The following ASTN1 variants were observed in gnomAD, a reference collection of about 807,000 sequenced individuals.
The protein encoded by ASTN1 is astrotactin 1.
ASTN1 carries 41 observed loss-of-function variants against 140.7 expected under a neutral mutation model. The observed-to-expected ratio is 0.29, with a 90% CI of 0.23 to 0.38. ASTN1 has a LOEUF of 0.38. ASTN1 is among the 10% of genes least tolerant of loss of function. ASTN1 has a pLI of 1.00. For missense variants in ASTN1, 1,479 were observed against 1,678.8 expected (o/e 0.88, Z 2.08); for synonymous variants, 640 against 652.2 (o/e 0.98, Z 0.29).
rs146492720 is a variant in ASTN1, at chr1:176,882,873, A to G, written c.3348T>C (p.Pro1116=). ...GTGTTACTCACATGTAAATGGTGTC[A>G]GGTTCCAGGCATCGTATGATCAGAG... The part of the protein sequence containing the change: ...TISLIIRCLE[P]DTIYMFTLWG... Residue 1116 remains proline, a synonymous_variant, in exon 20 of 23, where the codon CCT becomes CCC. Coordinates refer to ENST00000361833, the MANE Select transcript of ASTN1 (RefSeq NM_004319.3). 547 of 1,614,170 alleles carry G rather than the reference A, an allele frequency of 3.4e-4. 2 individuals carry two copies. In the East Asian group the frequency reaches 0.01, roughly 30 times the overall value.
intron 8 of ASTN1, among the ~76,000 whole-genome samples, chr1:176,995,706 G>A (rs985016567): frequency 6.6e-6 from 1 of 152,154 alleles, no homozygotes; most frequent in African/African-American, 2.4e-5. Context: ...AGGGCCATAT[G>A]GGTCATTGGT....
At chr1:177,084,012 C>G (rs537095500) in intron 1 of ASTN1, among the ~76,000 whole-genome samples, 1 of 152,268 alleles carries the variant, frequency 6.6e-6, no homozygotes, top group Admixed American at 6.5e-5. Flanking sequence ...AAGCCTGTTC[C>G]TTCTGGCATT....
rs555768751 is a variant in ASTN1, at chr1:177,095,326, T to C, written c.284-34061A>G. On this transcript the variant is annotated intron_variant, in intron 1 of 22. Coordinates refer to ENST00000361833, the MANE Select transcript of ASTN1 (RefSeq NM_004319.3). ...AGCAACCTTTTCATAAGGAGATTAG[T>C]ATGGATCTGCCATCTCAATAAAAGT... Among the ~76,000 whole-genome samples the C allele has an allele frequency of 3.9e-5, 6 of 152,298 alleles. No homozygotes were observed. In the South Asian group the frequency reaches 1.2e-3, roughly 32 times the overall value.
At chr1:177,052,050 C>T (rs547594805) in intron 2 of ASTN1, among the ~76,000 whole-genome samples, 1 of 152,066 alleles carries the variant, frequency 6.6e-6, no homozygotes, top group East Asian at 1.9e-4. Context: ...TCATAAGACG[C>T]CTGGTGGGAA....
chr1:177,161,000 T>C (rs1400429192), intron 1 of ASTN1, among the ~76,000 whole-genome samples: 1 of 152,300 alleles, frequency 6.6e-6, no homozygotes, highest in Non-Finnish European at 1.5e-5. Flanking sequence ...TTAAAAACCA[T>C]ATGTAGTCAA....
At chr1:176,905,738 A>G (rs1669960367) in intron 16 of ASTN1, among the ~76,000 whole-genome samples, 1 of 151,828 alleles carries the variant, frequency 6.6e-6, no homozygotes, top group Admixed American at 6.6e-5. Flanking sequence ...TGCTGAGTGG[A>G]TCAGGCTCTT....
intron 7 of ASTN1, 96 bp from the exon 8 acceptor site, chr1:177,014,971 C>G: frequency 3.6e-6 from 4 of 1,103,826 alleles, no homozygotes; most frequent in Non-Finnish European, 5.4e-6. Flanking sequence ...TCAGGGTAAA[C>G]TCTTACTCTG....
At chr1:177,108,166 G>A (rs939312490) in intron 1 of ASTN1, among the ~76,000 whole-genome samples, 3 of 151,838 alleles carry the variant, frequency 2.0e-5, no homozygotes, top group African/African-American at 7.3e-5. Context: ...TGGCCAACAT[G>A]GTGAAACCCC....
intron 1 of ASTN1, among the ~76,000 whole-genome samples, chr1:177,117,795 C>T (rs1681170796): frequency 6.6e-6 from 1 of 152,146 alleles, no homozygotes; most frequent in Non-Finnish European, 1.5e-5. Flanking sequence ...GGCTGTACTG[C>T]CCTTCACCTC....
At chr1:176,950,779 C>T (rs914955794) in intron 11 of ASTN1, among the ~76,000 whole-genome samples, 3 of 152,090 alleles carry the variant, frequency 2.0e-5, no homozygotes, top group East Asian at 3.9e-4. Context: ...CTTTTAATGA[C>T]TATGCTGTAT....
chr1:176,993,998 A>G (rs1417978926), intron 8 of ASTN1, among the ~76,000 whole-genome samples: 3 of 150,386 alleles, frequency 2.0e-5, no homozygotes. Context: ...ACTCATTTAG[A>G]TGTGAGAACT....
intron 8 of ASTN1, among the ~76,000 whole-genome samples, chr1:177,007,062 G>C (rs996262859): frequency 1.6e-4 from 25 of 152,080 alleles, no homozygotes; most frequent in African/African-American, 6.0e-4. Flanking sequence ...TGTGACCTTG[G>C]GCAAGTTACT....
intron 6 of ASTN1, 49 bp from the exon 7 acceptor site, chr1:177,023,620 C>A: frequency 3.4e-6 from 5 of 1,479,918 alleles, no homozygotes; most frequent in Non-Finnish European, 4.5e-6. Flanking sequence ...ACACAGCACA[C>A]GTCCACAAGC....
At chr1:176,901,407 G>A (rs969885034) in intron 16 of ASTN1, among the ~76,000 whole-genome samples, 2 of 152,330 alleles carry the variant, frequency 1.3e-5, no homozygotes, top group Non-Finnish European at 2.9e-5. Context: ...AGCCAATAAT[G>A]TCACAAAGTG....
chr1:177,106,895 A>G (rs1680571101), intron 1 of ASTN1, among the ~76,000 whole-genome samples: 1 of 152,214 alleles, frequency 6.6e-6, no homozygotes, highest in African/African-American at 2.4e-5. Context: ...AATCATATAC[A>G]GAAGGCAGAA....
chr1:176,893,253 C>T (rs1206200149), intron 17 of ASTN1, among the ~76,000 whole-genome samples: 1 of 152,128 alleles, frequency 6.6e-6, no homozygotes, highest in Non-Finnish European at 1.5e-5. Flanking sequence ...AGGGTATCAG[C>T]AGCAGCAGCC....
At position 176,864,001 on chromosome 1, in the gene ASTN1, A is replaced by C; in HGVS notation, c.*283T>G. ...TTGGTAAACTTCTCAGGGAAAAAAA[A>C]ATGAATGGAACAAATTAATGGCAAA... On this transcript the variant is annotated 3_prime_UTR_variant, in exon 23 of 23. Transcript: ENST00000361833. The C allele has an allele frequency of 8.5e-7, 1 of 1,182,050 alleles. No individual in the cohort carries two copies. The highest frequency in any genetic ancestry group is 1.1e-6 in the Non-Finnish European group (1 of 950,914). The allele number at this position is 1,182,050 out of a possible 1,614,324, so 73.2% of individuals were successfully genotyped here.
intron 8 of ASTN1, 76 bp downstream of exon 8, chr1:177,014,715 G>A: frequency 1.5e-6 from 2 of 1,353,326 alleles, no homozygotes; most frequent in South Asian, 2.4e-5. Flanking sequence ...TCCTCTCCAT[G>A]CAGTTGCTCC....
chr1:176,904,927 C>A (rs984393796), intron 16 of ASTN1, among the ~76,000 whole-genome samples: 3 of 152,168 alleles, frequency 2.0e-5, no homozygotes, highest in Admixed American at 1.3e-4. Context: ...ATCTACCCTG[C>A]GGCATTTATT....
Sources: allele counts gnomAD v4.1 joint callset (sites outside exome capture counted in the v4.1 genomes callset), GRCh38; gene constraint gnomAD v4.1.1; transcripts MANE v1.5; gene names NCBI Gene and HGNC (gene_info 2026-07-23, HGNC 2026-07-21).